The following ENTREP2 variants were observed in gnomAD, a reference collection of about 807,000 sequenced individuals.
The protein encoded by ENTREP2 is protein ENTREP2.
the ENTREP2 span, among the ~76,000 whole-genome samples, chr15:29,324,797 G>A: frequency 3.3e-5 from 5 of 152,124 alleles, no homozygotes; most frequent in Admixed American, 1.3e-4. Context: ...ATGGACAAAT[G>A]TACTATTATA....
At chr15:29,476,302 A>G in the ENTREP2 span, among the ~76,000 whole-genome samples, 1 of 152,162 alleles carries the variant, frequency 6.6e-6, no homozygotes, top group Non-Finnish European at 1.5e-5. Context: ...AAAGTTGACC[A>G]CCTGCCACTG....
chr15:29,206,655 G>A, the ENTREP2 span, among the ~76,000 whole-genome samples: 1 of 152,108 alleles, frequency 6.6e-6, no homozygotes, highest in Non-Finnish European at 1.5e-5. Context: ...GGGCCAATCC[G>A]GGGTGCGACA....
the ENTREP2 span, among the ~76,000 whole-genome samples, chr15:29,250,575 T>C: frequency 6.6e-6 from 1 of 152,112 alleles, no homozygotes; most frequent in Non-Finnish European, 1.5e-5. Context: ...GCTTGGGCAA[T>C]GTGTGTGGGC....
At chr15:29,356,022 C>T in the ENTREP2 span, among the ~76,000 whole-genome samples, 1 of 151,978 alleles carries the variant, frequency 6.6e-6, no homozygotes, top group African/African-American at 2.4e-5. Flanking sequence ...GTATCACTTA[C>T]CTACGAGGCA....
the ENTREP2 span, among the ~76,000 whole-genome samples, chr15:29,168,926 A>C: frequency 2.2e-4 from 33 of 152,120 alleles, no homozygotes; most frequent in Non-Finnish European, 3.8e-4. Flanking sequence ...AATAGCTTTT[A>C]CTCTTTAGTG....
the ENTREP2 span, among the ~76,000 whole-genome samples, chr15:29,642,902 G>A: frequency 1.2e-4 from 19 of 152,226 alleles, no homozygotes; most frequent in South Asian, 1.5e-3. Flanking sequence ...ATGAGCCATC[G>A]CGCCTGGCCA....
chr15:29,469,581 G>C, the ENTREP2 span, among the ~76,000 whole-genome samples: 64 of 152,100 alleles, frequency 4.2e-4, no homozygotes, highest in Admixed American at 5.9e-4. Flanking sequence ...CGGGGGAGGG[G>C]AAATAGGGAG....
the ENTREP2 span, among the ~76,000 whole-genome samples, chr15:29,592,395 A>G: frequency 1.3e-5 from 2 of 152,254 alleles, no homozygotes; most frequent in Admixed American, 1.3e-4. Flanking sequence ...TGGCTCTGGA[A>G]GCTGGGAAGT....
chr15:29,513,824 CA>C, the ENTREP2 span, among the ~76,000 whole-genome samples: 1 of 152,348 alleles, frequency 6.6e-6, no homozygotes, highest in South Asian at 2.1e-4. Flanking sequence ...TGGCCCCAGC[CA>C]GATCTGGAGC....
At chr15:29,145,695 C>G in the ENTREP2 span, among the ~76,000 whole-genome samples, 1 of 149,712 alleles carries the variant, frequency 6.7e-6, no homozygotes, top group African/African-American at 2.5e-5. Flanking sequence ...TGATCAACAG[C>G]ATCTATGAAA....
the ENTREP2 span, among the ~76,000 whole-genome samples, chr15:29,621,068 G>C: frequency 5.3e-5 from 8 of 152,046 alleles, no homozygotes; most frequent in East Asian, 1.6e-3. Flanking sequence ...TTGAGAAATG[G>C]CGCTGGCAGT....
chr15:29,170,509 C>T, the ENTREP2 span, among the ~76,000 whole-genome samples: 2 of 152,024 alleles, frequency 1.3e-5, no homozygotes, highest in South Asian at 2.1e-4. Flanking sequence ...AGATTCAATA[C>T]TATAAATACA....
the ENTREP2 span, among the ~76,000 whole-genome samples, chr15:29,194,908 C>G: frequency 3.9e-4 from 59 of 152,256 alleles, 1 homozygote; most frequent in African/African-American, 1.4e-3. Context: ...CCAAATGCAT[C>G]CCCATACTCA....
At chr15:29,412,206 AATATGGT>A in the ENTREP2 span, among the ~76,000 whole-genome samples, 1 of 152,064 alleles carries the variant, frequency 6.6e-6, no homozygotes, top group African/African-American at 2.4e-5. Context: ...TAGCTCTCTC[AATATGGT>A]ATATCCCTCC....
the ENTREP2 span, among the ~76,000 whole-genome samples, chr15:29,397,101 G>A: frequency 2.0e-5 from 3 of 152,120 alleles, no homozygotes; most frequent in African/African-American, 7.2e-5. Flanking sequence ...AAAATTTACT[G>A]AGAGGCCAGG....
the ENTREP2 span, among the ~76,000 whole-genome samples, chr15:29,532,983 G>A: frequency 6.6e-6 from 1 of 152,198 alleles, no homozygotes; most frequent in Non-Finnish European, 1.5e-5. Context: ...GACCCTCCAT[G>A]TGCTGGAGCC....
the ENTREP2 span, among the ~76,000 whole-genome samples, chr15:29,212,487 T>A: frequency 6.6e-6 from 1 of 152,180 alleles, no homozygotes; most frequent in Non-Finnish European, 1.5e-5. Context: ...AGTTCTGCTC[T>A]CATCTTGGTT....
the ENTREP2 span, among the ~76,000 whole-genome samples, chr15:29,284,090 T>C: frequency 1.3e-5 from 2 of 151,684 alleles, no homozygotes; most frequent in African/African-American, 4.9e-5. Context: ...AAAACAAAAG[T>C]ATGAGAGAAT....
chr15:29,352,393 A>C, the ENTREP2 span, among the ~76,000 whole-genome samples: 1 of 152,358 alleles, frequency 6.6e-6, no homozygotes, highest in African/African-American at 2.4e-5. Context: ...CAAGCACATT[A>C]CACAGAGTCT....
Sources: allele counts gnomAD v4.1 joint callset (sites outside exome capture counted in the v4.1 genomes callset), GRCh38; gene constraint gnomAD v4.1.1; transcripts MANE v1.5; gene names NCBI Gene and HGNC (gene_info 2026-07-23, HGNC 2026-07-21).